Variants in SLC2A6 observed in about 807,000 individuals in gnomAD.
The protein encoded by SLC2A6 is solute carrier family 2, facilitated glucose transporter member 6.
SLC2A6 carries 39 observed loss-of-function variants against 47.8 expected under a neutral mutation model. That is an observed-to-expected ratio of 0.82 (90% confidence interval 0.63 to 1.07). The LOEUF is 1.07. Among genes scored for constraint, SLC2A6 ranks in the 50% least tolerant of loss-of-function variants. The pLI is 0.00. For missense variants in SLC2A6, 650 were observed against 707.6 expected, an observed-to-expected ratio of 0.92 and a Z score of 0.92; for synonymous variants, 346 against 324.1, an observed-to-expected ratio of 1.07 and a Z score of -0.73.
At chr9:133,477,522 G>T (rs1163135989) in intron 2 of SLC2A6, among the ~76,000 whole-genome samples, 6 of 152,242 alleles carry the variant, frequency 3.9e-5, no homozygotes, top group Admixed American at 3.9e-4. Flanking sequence ...TAATACAGGA[G>T]AATTCTGTGA....
At chr9:133,478,746 G>T in intron 1 of SLC2A6, 1 of 591,108 alleles carries the variant, frequency 1.7e-6, no homozygotes, top group Non-Finnish European at 3.0e-6. Context: ...CTCACTGTCT[G>T]TGGCAGTGGG....
intron 2 of SLC2A6, 90 bp from the exon 3 acceptor site, chr9:133,477,331 G>T: frequency 7.7e-7 from 1 of 1,291,944 alleles, no homozygotes; most frequent in South Asian, 1.3e-5. Context: ...TCCCTAGGCC[G>T]ACCCCAGGAG....
chr9:133,474,694 CT>C (rs1451040998), intron 6 of SLC2A6, among the ~76,000 whole-genome samples: 2 of 152,250 alleles, frequency 1.3e-5, no homozygotes, highest in Non-Finnish European at 2.9e-5. Context: ...ATCCTCCCGC[CT>C]TGGCCTCGTG....
In SLC2A6 at chr9:133,473,162, G is replaced by A. The variant is rs1554802148; in HGVS notation, c.1311C>T (p.Cys437=). 6.2e-6 allele frequency: 10 copies of A among 1,611,106 alleles called. No individual in the cohort carries two copies. The highest frequency in any genetic ancestry group is 4.0e-5 in the African/African-American group (3 of 74,958). Residue 437 remains cysteine, a synonymous_variant, in exon 9 of 10, where the codon TGC becomes TGT. Transcript: ENST00000371899. ...AGGCGGTGAGCCAGCTGGCCAGCAC[G>A]CAGAGCCCTGAGGCCACGCCACGGG... The part of the protein sequence containing the change: ...LRARGVASGL[C]VLASWLTAFV...
chr9:133,474,936 G>A (rs969149526), intron 6 of SLC2A6, 25 bp downstream of exon 6: 1 of 1,487,610 alleles, frequency 6.7e-7, no homozygotes, highest in Non-Finnish European at 9.0e-7. Flanking sequence ...CCGTGGGTGG[G>A]CGCCGGCCGG....
In SLC2A6 at chr9:133,478,986, C is replaced by T. The variant is rs1554804159; in HGVS notation, c.74G>A (p.Gly25Glu). The stretch of plus-strand genomic sequence containing the variant: ...CTCTCACCCGACCCGCGCCCTGTCC[C>T]CTGGCGACGGGGGCGGCTTCTCGGG... ...TFPEKPPPSP[G>E]DRARVGTLQN... Residue 25 changes from glycine (G) to glutamate (E), a missense_variant, in exon 1 of 10, where the codon GGG becomes GAG. Coordinates refer to ENST00000371899, the MANE Select transcript of SLC2A6 (RefSeq NM_017585.4). 1.3e-6 allele frequency: 2 copies of T among 1,593,270 alleles called. No individual in the cohort carries two copies. Among genetic ancestry groups the T allele is most frequent in the Admixed American group, 1.7e-5 (1 of 58,940 alleles).
In SLC2A6 at chr9:133,476,296, GC is replaced by G. The variant is rs1843949959; in HGVS notation, c.502del (p.Ala168LeufsTer40). On this transcript the variant is annotated frameshift_variant, in exon 4 of 10. Coordinates refer to ENST00000371899, the MANE Select transcript of SLC2A6 (RefSeq NM_017585.4). LOFTEE classifies it high-confidence loss of function. Reference sequence around the variant, plus strand: ...CATGAGCTGGGGTGTGGCCCCCAGAGCCCCACGAACGCCTGGGGGAGCAATC... The same window carrying G: ...CATGAGCTGGGGTGTGGCCCCCAGAGCCCACGAACGCCTGGGGGAGCAATC... ...SEIAPPGVRG[A>X]LGATPQLMAV... 2 of 1,612,962 alleles carry G rather than the reference GC, an allele frequency of 1.2e-6. No homozygotes were observed. The highest frequency in any genetic ancestry group is 2.7e-5 in the African/African-American group (2 of 74,944).
At chr9:133,475,722 T>G (rs981744968) in intron 4 of SLC2A6, 111 bp from the exon 5 acceptor site, 2 of 1,000,362 alleles carry the variant, frequency 2.0e-6, no homozygotes, top group African/African-American at 3.2e-5. Context: ...AAGGGCCATC[T>G]CCTACAGGAA....
intron 7 of SLC2A6, 76 bp downstream of exon 7, chr9:133,473,904 G>T: frequency 8.5e-7 from 1 of 1,182,402 alleles, no homozygotes; most frequent in Non-Finnish European, 1.2e-6. Context: ...CCCACCCCGA[G>T]GCAGGCCTGC....
At chr9:133,472,961 A>T in intron 9 of SLC2A6, 144 bp downstream of exon 9, 1 of 840,668 alleles carries the variant, frequency 1.2e-6, no homozygotes, top group Non-Finnish European at 1.8e-6. Context: ...GGGGTCTCTG[A>T]GTTCAGGGGG....
chr9:133,478,123 G>T, intron 2 of SLC2A6, 131 bp downstream of exon 2: 2 of 917,386 alleles, frequency 2.2e-6, no homozygotes, highest in Non-Finnish European at 3.3e-6. Flanking sequence ...TGGCCTGGAT[G>T]GCTGGGGGAG....
At position 133,478,539 on chromosome 9, in the gene SLC2A6, G is replaced by A. The variant is rs2131035225; in HGVS notation, c.93-123C>T. ...AGTGCTAGGGAGGCCTGGGTCCAAGGCCATTCACGTTCCCAGGGCCTGAGC... is the reference window on the plus strand; with the variant it reads ...AGTGCTAGGGAGGCCTGGGTCCAAGACCATTCACGTTCCCAGGGCCTGAGC... On this transcript the variant is annotated intron_variant, in intron 1 of 9. Coordinates refer to ENST00000371899, the MANE Select transcript of SLC2A6 (RefSeq NM_017585.4). The A allele has an allele frequency of 1.8e-6, 2 of 1,089,808 alleles. 1 individual carries two copies. Among genetic ancestry groups the A allele is most frequent in the South Asian group, 3.1e-5 (2 of 65,070 alleles). The allele number at this position is 1,089,808 out of a possible 1,614,324, so 67.5% of individuals were successfully genotyped here.
chr9:133,471,262 C>G lies in SLC2A6; in HGVS notation c.*759G>C, dbSNP rs1005503580. 1.4e-5 allele frequency: 2 copies of G among 145,102 alleles called. No individual in the cohort carries two copies. Among genetic ancestry groups the G allele is most frequent in the Non-Finnish European group, 3.0e-5 (2 of 66,962 alleles). 9.0% of individuals were successfully genotyped at this position (145,102 alleles called of 1,614,324 possible). A position where few individuals can be genotyped will look rare whatever the true frequency, so the allele number is the denominator to read the frequency against. On this transcript the variant is annotated 3_prime_UTR_variant, in exon 10 of 10. Coordinates refer to ENST00000371899, the MANE Select transcript of SLC2A6 (RefSeq NM_017585.4). ...GGGGGTGGGGACGGAGTTTCACTCT[C>G]GTTGCCCAGGCTGGAGTGCAATGGC...
At chr9:133,472,234 A>G in intron 9 of SLC2A6, 58 bp from the exon 10 acceptor site, 35 of 1,591,322 alleles carry the variant, frequency 2.2e-5, no homozygotes, top group Non-Finnish European at 3.0e-5. Flanking sequence ...CTCCTGCCCC[A>G]GAGGAGCTCG....
chr9:133,478,888 G>A lies in SLC2A6; in HGVS notation c.92+80C>T. The A allele has an allele frequency of 3.7e-6, 5 of 1,334,236 alleles. No individual in the cohort carries two copies. The East Asian group carries it at 1.4e-4, about 36-fold the overall frequency. 82.6% of individuals were successfully genotyped at this position (1,334,236 alleles called of 1,614,324 possible). ...GGCGACTAGGTCAGGGGAGGCCCAG[G>A]GCGGGAGCCTGCCGCCGGCTGGAGG... On this transcript the variant is annotated intron_variant, in intron 1 of 9. Transcript: ENST00000371899.
At position 133,471,601 on chromosome 9, in the gene SLC2A6, C is replaced by T. The variant is rs142471542; in HGVS notation, c.*420G>A. 53 of 161,180 alleles carry T rather than the reference C, an allele frequency of 3.3e-4. No homozygotes were observed. The East Asian group carries it at 9.0e-3, about 27-fold the overall frequency. The allele number at this position is 161,180 out of a possible 1,614,324, so 10.0% of individuals were successfully genotyped here. On this transcript the variant is annotated 3_prime_UTR_variant, in exon 10 of 10. Transcript: ENST00000371899. ...AGGGCAAAGCCGGGTCTTCCTTGCA[C>T]AGCCAGATGCCACCAGATCAGAGCG...
intron 9 of SLC2A6, among the ~76,000 whole-genome samples, chr9:133,472,904 G>A (rs587639138): frequency 1.3e-5 from 2 of 152,322 alleles, no homozygotes; most frequent in Non-Finnish European, 2.9e-5. Flanking sequence ...GCCCGTTCCT[G>A]TTTCTTATAA....
intron 8 of SLC2A6, 81 bp from the exon 9 acceptor site, chr9:133,473,331 C>T: frequency 1.3e-6 from 2 of 1,536,658 alleles, no homozygotes; most frequent in Admixed American, 2.1e-5. Flanking sequence ...CTGCTGGAGA[C>T]CCCCCTCTCC....
Position 133,473,074 on chromosome 9 carries a change from AGGGGCCTGGGGCCT to A in SLC2A6, c.1368+17_1368+30del. The A allele has an allele frequency of 5.0e-6, 8 of 1,585,996 alleles. No homozygotes were observed. The highest frequency in any genetic ancestry group is 6.8e-6 in the Non-Finnish European group (8 of 1,169,312). On this transcript the variant is annotated intron_variant, in intron 9 of 9. Coordinates refer to ENST00000371899, the MANE Select transcript of SLC2A6 (RefSeq NM_017585.4). ...GGTCCTGGCCAGTCAGAGAGGGCCTAGGGGCCTGGGGCCTGGGGCTGAACACTCACCACCACTGG... is the reference window on the plus strand; with the variant it reads ...GGTCCTGGCCAGTCAGAGAGGGCCTAGGGGCTGAACACTCACCACCACTGG...
Sources: gnomAD v4.1 joint callset for allele counts (sites outside exome capture counted in the v4.1 genomes callset) on GRCh38, gnomAD v4.1.1 for gene constraint, MANE v1.5 for transcripts, NCBI Gene and HGNC (gene_info 2026-07-23, HGNC 2026-07-21) for gene names.